The following KLHL22 variants were observed in gnomAD, a reference collection of about 807,000 sequenced individuals.
KLHL22 encodes kelch like family member 22.
Under a neutral mutation model 60.7 loss-of-function variants are expected in KLHL22, and 18 were observed. That is an observed-to-expected ratio of 0.30 (90% CI 0.20 to 0.44). KLHL22 has a LOEUF of 0.44. KLHL22 is among the 20% of genes least tolerant of loss of function. The probability of loss-of-function intolerance (pLI) is 1.00; values close to 1 mark genes in which losing one functional copy is unlikely to be tolerated. For missense variants in KLHL22, 596 were observed against 852.3 expected (o/e 0.70, Z 3.74); for synonymous variants, 355 against 354.5 (o/e 1.00, Z -0.01).
chr22:20,488,721 AAAAG>A, intron 2 of KLHL22: 1 of 459,300 alleles, frequency 2.2e-6, no homozygotes, highest in Non-Finnish European at 3.9e-6. Context: ...AAGAGAAAAG[AAAAG>A]AGAGAGAAAA....
chr22:20,454,278 G>A (rs1215651581), intron 5 of KLHL22, among the ~76,000 whole-genome samples: 1 of 151,998 alleles, frequency 6.6e-6, no homozygotes, highest in Admixed American at 6.6e-5. Context: ...GCAGTGAGCC[G>A]GGGTCATGCC....
chr22:20,460,193 C>T (rs952824546), intron 4 of KLHL22, among the ~76,000 whole-genome samples: 2 of 152,216 alleles, frequency 1.3e-5, no homozygotes, highest in African/African-American at 4.8e-5. Context: ...ACCATCTGCA[C>T]CCCAAGTGTC....
chr22:20,479,128 C>CA lies in KLHL22; in HGVS notation c.228-7614dup, dbSNP rs1269356052. On this transcript the variant is annotated intron_variant, in intron 2 of 6. Transcript: ENST00000328879. Reference sequence around the variant, plus strand: ...TGGGCGACAGAGTGAGATTCTGTCTCAAAAAAAAAAAATTCATTTTTGGCT... The same window carrying CA: ...TGGGCGACAGAGTGAGATTCTGTCTCAAAAAAAAAAAAATTCATTTTTGGCT... 4.6e-4 allele frequency among the ~76,000 whole-genome samples: 64 copies of CA among 140,448 alleles called. 1 individual carries two copies. Among genetic ancestry groups the CA allele is most frequent in the South Asian group, 2.0e-3 (9 of 4,398 alleles). 92.1% of individuals were successfully genotyped at this position (140,448 alleles called of 152,430 possible).
intron 2 of KLHL22, among the ~76,000 whole-genome samples, chr22:20,487,870 A>G (rs1572876): frequency 0.33 from 49,972 of 152,032 alleles, 8,363 homozygotes; most frequent in East Asian, 0.46. Flanking sequence ...CATAGGCTCC[A>G]CAGCCTCTGG....
At chr22:20,452,015 G>T (rs553351203) in intron 5 of KLHL22, among the ~76,000 whole-genome samples, 3 of 152,092 alleles carry the variant, frequency 2.0e-5, no homozygotes, top group East Asian at 3.9e-4. Flanking sequence ...AGAAGGGTGG[G>T]TAACAGATAC....
rs200423905 is a variant in KLHL22 at position 20,470,790 on chromosome 22, G to A, written c.393+560C>T. ...TGCATGCATGGATGGATGGATAGAT[G>A]GATGGATGGATGGATGGATGGATGG... On this transcript the variant is annotated intron_variant, in intron 3 of 6. Coordinates refer to ENST00000328879, the MANE Select transcript of KLHL22 (RefSeq NM_032775.4). 9.4e-4 allele frequency among the ~76,000 whole-genome samples: 118 copies of A among 125,656 alleles called. No individual in the cohort carries two copies. The East Asian group carries it at 0.012, about 13-fold the overall frequency. 82.4% of individuals were successfully genotyped at this position (125,656 alleles called of 152,430 possible).
At chr22:20,480,290 T>C (rs2053477828) in intron 2 of KLHL22, among the ~76,000 whole-genome samples, 1 of 152,214 alleles carries the variant, frequency 6.6e-6, no homozygotes, top group Admixed American at 6.5e-5. Context: ...ATAATGTGAA[T>C]AATCGTAATA....
chr22:20,451,608 T>C (rs920173947), intron 5 of KLHL22: 28 of 1,598,752 alleles, frequency 1.8e-5, no homozygotes, highest in Non-Finnish European at 2.4e-5. Context: ...ACATTCGCAC[T>C]GATTCCCGGA....
Position 20,477,190 on chromosome 22 carries a change from C to T in KLHL22, c.228-5675G>A, listed in dbSNP as rs956584307. 1.1e-4 allele frequency among the ~76,000 whole-genome samples: 17 copies of T among 151,428 alleles called. No individual in the cohort carries two copies. The East Asian group carries it at 3.2e-3, about 28-fold the overall frequency. ...GGCAGATCACTTGAGGCCAAGAGTTCGAGACCAGTCTGGCCAACATGGTGA... is the reference window on the plus strand; with the variant it reads ...GGCAGATCACTTGAGGCCAAGAGTTTGAGACCAGTCTGGCCAACATGGTGA... On this transcript the variant is annotated intron_variant, in intron 2 of 6. Coordinates refer to ENST00000328879, the MANE Select transcript of KLHL22 (RefSeq NM_032775.4).
intron 2 of KLHL22, among the ~76,000 whole-genome samples, chr22:20,486,592 G>GA (rs1381976622): frequency 4.0e-5 from 6 of 151,362 alleles, no homozygotes; most frequent in South Asian, 2.1e-4. Context: ...GTCATACTGG[G>GA]AAAAAAATAG....
chr22:20,472,574 A>T (rs1184992058), intron 2 of KLHL22, among the ~76,000 whole-genome samples: 1 of 152,114 alleles, frequency 6.6e-6, no homozygotes, highest in Non-Finnish European at 1.5e-5. Context: ...AAAAATACAA[A>T]AATTAGCTGG....
At chr22:20,466,670 T>C (rs1410808803) in intron 3 of KLHL22, among the ~76,000 whole-genome samples, 1 of 152,198 alleles carries the variant, frequency 6.6e-6, no homozygotes, top group African/African-American at 2.4e-5. Context: ...CTTTTTTCTT[T>C]TTAAAATTTG....
At position 20,441,909 on chromosome 22, in the gene KLHL22, A is replaced by G; in HGVS notation, c.*164T>C. On this transcript the variant is annotated 3_prime_UTR_variant, in exon 7 of 7. Transcript: ENST00000328879. ...TGCATGGCCCTGAGATGCCTGCGGC[A>G]GGCTGGCCAAGGGGCTGGTGTGAAG... The G allele has an allele frequency of 3.3e-6, 2 of 602,248 alleles. 1 individual carries two copies. The highest frequency in any genetic ancestry group is 8.4e-5 in the South Asian group (2 of 23,842). The allele number at this position is 602,248 out of a possible 1,614,324, so 37.3% of individuals were successfully genotyped here. A position where few individuals can be genotyped will look rare whatever the true frequency, so the allele number is the denominator to read the frequency against.
intron 2 of KLHL22, among the ~76,000 whole-genome samples, chr22:20,480,940 T>C (rs1304705833): frequency 1.3e-5 from 2 of 150,314 alleles, no homozygotes; most frequent in African/African-American, 4.9e-5. Context: ...CACGCCATTC[T>C]CCTGCCTCAA....
intron 4 of KLHL22, 83 bp downstream of exon 4, chr22:20,464,775 A>C (rs2053204564): frequency 2.4e-6 from 2 of 828,152 alleles, no homozygotes; most frequent in African/African-American, 3.4e-5. Context: ...GGCTGGGGGG[A>C]ACCTGACCAG....
intron 2 of KLHL22, among the ~76,000 whole-genome samples, chr22:20,475,842 G>A (rs1435121969): frequency 1.3e-5 from 2 of 152,190 alleles, no homozygotes; most frequent in Non-Finnish European, 2.9e-5. Flanking sequence ...GATTACAGGC[G>A]TGAGTCACCG....
At chr22:20,484,912 A>AT (rs1218554617) in intron 2 of KLHL22, among the ~76,000 whole-genome samples, 10 of 151,256 alleles carry the variant, frequency 6.6e-5, no homozygotes, top group Admixed American at 4.0e-4. Context: ...ATTAAAAAAA[A>AT]TTTTTTTTTC....
chr22:20,453,894 C>T (rs1379256977), intron 5 of KLHL22, among the ~76,000 whole-genome samples: 1 of 152,022 alleles, frequency 6.6e-6, no homozygotes, highest in East Asian at 1.9e-4. Flanking sequence ...GCCACCACAC[C>T]CAGCTAATAT....
intron 6 of KLHL22, 72 bp downstream of exon 6, chr22:20,446,371 A>T: frequency 1.1e-6 from 1 of 893,878 alleles, no homozygotes; most frequent in Non-Finnish European, 1.8e-6. Context: ...TGATTCAATT[A>T]CATTTTCCAT....
Sources: gnomAD v4.1 joint callset for allele counts (sites outside exome capture counted in the v4.1 genomes callset) on GRCh38, gnomAD v4.1.1 for gene constraint, MANE v1.5 for transcripts, NCBI Gene and HGNC (gene_info 2026-07-23, HGNC 2026-07-21) for gene names.